The following KIAA0825 variants were observed in gnomAD, a reference collection of about 807,000 sequenced individuals.
The protein encoded by KIAA0825 is uncharacterized protein KIAA0825.
Under a neutral mutation model 147.6 loss-of-function variants are expected in KIAA0825, and 119 were observed. The observed-to-expected ratio is 0.81, with a 90% CI of 0.69 to 0.94. The LOEUF is 0.94. Ranked by LOEUF, KIAA0825 falls within the 40% of genes least tolerant of loss-of-function variation. The probability of loss-of-function intolerance (pLI) is 0.00; values close to 1 mark genes in which losing one functional copy is unlikely to be tolerated. For missense variants in KIAA0825, 1,381 were observed against 1,472.7 expected (o/e 0.94, Z 1.02); for synonymous variants, 470 against 518.1 (o/e 0.91, Z 1.26).
chr5:94,503,982 C>T (rs1318543616), intron 5 of KIAA0825, among the ~76,000 whole-genome samples: 1 of 152,090 alleles, frequency 6.6e-6, no homozygotes, highest in Non-Finnish European at 1.5e-5. Flanking sequence ...GTATCAAGAA[C>T]AATGATCATA....
intron 20 of KIAA0825, among the ~76,000 whole-genome samples, chr5:94,321,489 G>A (rs1472795419): frequency 6.6e-6 from 1 of 151,974 alleles, no homozygotes; most frequent in African/African-American, 2.4e-5. Context: ...GCACTGAAAG[G>A]TAGGCTGTTC....
chr5:94,314,331 G>A (rs1779452946), intron 20 of KIAA0825, among the ~76,000 whole-genome samples: 2 of 151,572 alleles, frequency 1.3e-5, no homozygotes, highest in African/African-American at 4.8e-5. Context: ...GTTGTGCTTT[G>A]GAAATGTCTT....
intron 1 of KIAA0825, among the ~76,000 whole-genome samples, chr5:94,591,473 T>C (rs1337834850): frequency 6.6e-6 from 1 of 152,208 alleles, no homozygotes; most frequent in Admixed American, 6.5e-5. Flanking sequence ...TATGAAAGCA[T>C]GGGCATGGGT....
chr5:94,369,062 G>A (rs1292148250), intron 20 of KIAA0825, among the ~76,000 whole-genome samples: 1 of 152,146 alleles, frequency 6.6e-6, no homozygotes, highest in Non-Finnish European at 1.5e-5. Context: ...GGAGGTTGAG[G>A]AGGGAGGATC....
chr5:94,257,802 T>C (rs957494720), intron 20 of KIAA0825, among the ~76,000 whole-genome samples: 3 of 152,172 alleles, frequency 2.0e-5, no homozygotes, highest in Admixed American at 2.0e-4. Flanking sequence ...TACATGGTTT[T>C]CTTCTGAAGA....
At chr5:94,258,124 C>T (rs1303203838) in intron 20 of KIAA0825, among the ~76,000 whole-genome samples, 1 of 152,096 alleles carries the variant, frequency 6.6e-6, no homozygotes, top group East Asian at 1.9e-4. Flanking sequence ...GGGTCAGCAT[C>T]TTTTTTCAGT....
chr5:94,493,549 G>A (rs565956799), intron 5 of KIAA0825, among the ~76,000 whole-genome samples: 2 of 152,180 alleles, frequency 1.3e-5, no homozygotes, highest in Admixed American at 6.5e-5. Context: ...GTGCAGTGGC[G>A]CAATCTCAGC....
chr5:94,301,153 C>T (rs1221499007), intron 20 of KIAA0825, among the ~76,000 whole-genome samples: 2 of 152,080 alleles, frequency 1.3e-5, no homozygotes, highest in Non-Finnish European at 2.9e-5. Context: ...AATGCTACTT[C>T]CTACTGAATT....
intron 2 of KIAA0825, among the ~76,000 whole-genome samples, chr5:94,543,186 G>A (rs1174459906): frequency 6.6e-6 from 1 of 152,196 alleles, no homozygotes; most frequent in Non-Finnish European, 1.5e-5. Flanking sequence ...GCTCATGCCT[G>A]TAATCCCAGC....
chr5:94,592,007 G>C (rs539264969), intron 1 of KIAA0825, among the ~76,000 whole-genome samples: 2 of 152,152 alleles, frequency 1.3e-5, no homozygotes, highest in Non-Finnish European at 2.9e-5. Context: ...TGGAAATTAT[G>C]GCAGCTATAA....
chr5:94,390,372 C>T (rs1749737495), intron 18 of KIAA0825, among the ~76,000 whole-genome samples: 1 of 152,176 alleles, frequency 6.6e-6, no homozygotes, highest in Non-Finnish European at 1.5e-5. Flanking sequence ...AGTGCACATA[C>T]CAATGAGGAG....
intron 3 of KIAA0825, among the ~76,000 whole-genome samples, chr5:94,533,321 G>A (rs1477333345): frequency 1.4e-5 from 2 of 140,190 alleles, no homozygotes; most frequent in African/African-American, 5.4e-5. Context: ...CTGTTGCCGA[G>A]GCTGGAGTGC....
rs996730302 is a variant in KIAA0825 at position 94,310,311 on chromosome 5, G to A, written c.3710+74057C>T. Among the ~76,000 whole-genome samples, 6 of 151,512 alleles carry A rather than the reference G, an allele frequency of 4.0e-5. 1 individual carries two copies. Among genetic ancestry groups the A allele is most frequent in the African/African-American group, 2.4e-5 (1 of 41,286 alleles). ...ATTCTCAGAATGTTCTTACTGAAAC[G>A]GGATCAGGCACTTCTCCTCGATCTA... On this transcript the variant is annotated intron_variant, in intron 20 of 20. Transcript: ENST00000682413.
At chr5:94,301,428 A>G (rs1778398043) in intron 20 of KIAA0825, among the ~76,000 whole-genome samples, 1 of 151,804 alleles carries the variant, frequency 6.6e-6, no homozygotes, top group Non-Finnish European at 1.5e-5. Flanking sequence ...AACCAAAACT[A>G]CTTACTCACC....
At chr5:94,259,537 T>C (rs914651024) in intron 20 of KIAA0825, among the ~76,000 whole-genome samples, 1 of 152,022 alleles carries the variant, frequency 6.6e-6, no homozygotes, top group Admixed American at 6.6e-5. Context: ...TCCTTGTTGA[T>C]CCCTAGCAGT....
intron 20 of KIAA0825, among the ~76,000 whole-genome samples, chr5:94,280,228 C>G (rs1403227000): frequency 1.3e-5 from 2 of 152,038 alleles, no homozygotes; most frequent in Non-Finnish European, 2.9e-5. Context: ...GAACATTAAA[C>G]AACATGCCTG....
chr5:94,159,500 CTG>C (rs1251488491), intron 20 of KIAA0825, among the ~76,000 whole-genome samples: 2 of 152,112 alleles, frequency 1.3e-5, no homozygotes, highest in Non-Finnish European at 2.9e-5. Flanking sequence ...TTCTCACGTT[CTG>C]TGTCTTTCAC....
chr5:94,205,629 C>T lies in KIAA0825; in HGVS notation c.3711-51505G>A, dbSNP rs114183668. On this transcript the variant is annotated intron_variant, in intron 20 of 20. Transcript: ENST00000682413. The stretch of plus-strand genomic sequence containing the variant: ...TTTTATATAGTATTTTACTTTGATT[C>T]ATCTCTTGCTTGTAATAATTATCAT... 1.7e-3 allele frequency among the ~76,000 whole-genome samples: 266 copies of T among 152,186 alleles called. 1 individual carries two copies. The highest frequency in any genetic ancestry group is 6.3e-3 in the African/African-American group (260 of 41,524).
At position 94,153,928 on chromosome 5, in the gene KIAA0825, CA is replaced by C. The variant is rs573275691; in HGVS notation, c.*78del. 400 of 939,490 alleles carry C rather than the reference CA, an allele frequency of 4.3e-4. 4 individuals are homozygous for C. The African/African-American group carries it at 5.8e-3, about 14-fold the overall frequency. 58.2% of individuals were successfully genotyped at this position (939,490 alleles called of 1,614,324 possible). Reference sequence around the variant, plus strand: ...CATGCTTCACAGCACATATGAGGTTCATTCTGACTATGGTAAAAAATCCTAC... The same window carrying C: ...CATGCTTCACAGCACATATGAGGTTCTTCTGACTATGGTAAAAAATCCTAC... On this transcript the variant is annotated 3_prime_UTR_variant, in exon 21 of 21. Coordinates refer to ENST00000682413, the MANE Select transcript of KIAA0825 (RefSeq NM_001145678.3).
Sources: allele counts gnomAD v4.1 joint callset (sites outside exome capture counted in the v4.1 genomes callset), GRCh38; gene constraint gnomAD v4.1.1; transcripts MANE v1.5; gene names NCBI Gene and HGNC (gene_info 2026-07-23, HGNC 2026-07-21).